The following FGD4 variants were observed in gnomAD, a reference collection of about 807,000 sequenced individuals.
FGD4 encodes FYVE, RhoGEF and PH domain containing 4.
In FGD4, 42 loss-of-function variants were observed where a neutral mutation model predicts 102.0. The ratio of observed to expected loss-of-function variants is 0.41; its 90% CI spans 0.32 to 0.53. FGD4 has a LOEUF of 0.53. Among genes scored for constraint, FGD4 ranks in the 20% least tolerant of loss-of-function variants. The pLI is 0.21. For synonymous variants in FGD4, 380 were observed against 375.7 expected, an observed-to-expected ratio of 1.01 and a Z score of -0.13; for missense variants, 902 against 1,078.2, an observed-to-expected ratio of 0.84 and a Z score of 2.29.
intron 10 of FGD4, among the ~76,000 whole-genome samples, chr12:32,612,142 G>A (rs1475656298): frequency 6.6e-6 from 1 of 152,218 alleles, no homozygotes; most frequent in Non-Finnish European, 1.5e-5. Flanking sequence ...GGTTGCTGAG[G>A]GTGGCTTGGT....
intron 1 of FGD4, among the ~76,000 whole-genome samples, chr12:32,515,214 C>T (rs1447803636): frequency 2.0e-5 from 3 of 152,216 alleles, no homozygotes; most frequent in Non-Finnish European, 2.9e-5. Flanking sequence ...TACCACCTTG[C>T]TCCAGCTCCA....
chr12:32,432,081 A>C (rs1942065980), intron 1 of FGD4, among the ~76,000 whole-genome samples: 1 of 118,102 alleles, frequency 8.5e-6, no homozygotes, highest in African/African-American at 3.2e-5. Context: ...TTTTTTTTAG[A>C]CAGAGTCTCG....
intron 1 of FGD4, among the ~76,000 whole-genome samples, chr12:32,538,687 G>T (rs560897662): frequency 1.3e-5 from 2 of 152,170 alleles, no homozygotes; most frequent in Non-Finnish European, 2.9e-5. Flanking sequence ...AGAAGCTTTG[G>T]GGTGTGAAAC....
At chr12:32,491,716 A>G (rs1419232741) in intron 1 of FGD4, among the ~76,000 whole-genome samples, 1 of 152,176 alleles carries the variant, frequency 6.6e-6, no homozygotes, top group Non-Finnish European at 1.5e-5. Context: ...ATTGTGGGCT[A>G]TAATGTTCCT....
At chr12:32,476,205 C>A (rs910838721) in intron 1 of FGD4, among the ~76,000 whole-genome samples, 2 of 152,176 alleles carry the variant, frequency 1.3e-5, no homozygotes, top group African/African-American at 4.8e-5. Context: ...TGTTGTCTAC[C>A]ACCTGGACCC....
At chr12:32,487,325 C>CT (rs1943937868) in intron 1 of FGD4, among the ~76,000 whole-genome samples, 1 of 152,148 alleles carries the variant, frequency 6.6e-6, no homozygotes, top group Non-Finnish European at 1.5e-5. Flanking sequence ...TTGGGCATAT[C>CT]TTTGTTTAAA....
chr12:32,571,255 G>A (rs574484408), intron 2 of FGD4, among the ~76,000 whole-genome samples: 1 of 152,246 alleles, frequency 6.6e-6, no homozygotes, highest in African/African-American at 2.4e-5. Flanking sequence ...GGGAGTTTGA[G>A]GCCAACCTGG....
intron 15 of FGD4, 36 bp from the exon 16 acceptor site, chr12:32,638,619 G>C: frequency 6.2e-7 from 1 of 1,612,680 alleles, no homozygotes; most frequent in Non-Finnish European, 8.5e-7. Context: ...CTGATTTGTT[G>C]TGTGTTCATT....
intron 10 of FGD4, among the ~76,000 whole-genome samples, chr12:32,614,556 G>A (rs1949338772): frequency 6.6e-6 from 1 of 152,200 alleles, no homozygotes; most frequent in Admixed American, 6.5e-5. Flanking sequence ...AAACACCCAG[G>A]AAAGCTTCTC....
In FGD4 at chr12:32,563,079, GC is replaced by G. The variant is rs1944784358; in HGVS notation, c.167-1056del. ...ACCTCCCTCCCGGACGGGGCGGCTG[GC>G]CGGGCGGGGGGCTGACCCCCCCCAC... is the stretch of plus-strand genomic sequence containing the variant. On this transcript the variant is annotated intron_variant, in intron 1 of 16. Transcript: ENST00000534526. Among the ~76,000 whole-genome samples the G allele has an allele frequency of 2.0e-5, 3 of 148,644 alleles. No individual in the cohort carries two copies. The South Asian group carries it at 6.5e-4, about 32-fold the overall frequency.
chr12:32,580,319 CT>C (rs147462922), intron 3 of FGD4, among the ~76,000 whole-genome samples: 3,586 of 152,156 alleles, frequency 0.024, 129 homozygotes, highest in African/African-American at 0.082. Context: ...GTTTGTGGTT[CT>C]TAGTAAGCAC....
intron 1 of FGD4, among the ~76,000 whole-genome samples, chr12:32,510,566 G>A (rs1592055059): frequency 6.6e-6 from 1 of 152,108 alleles, no homozygotes; most frequent in East Asian, 1.9e-4. Context: ...GCTCAAAAAA[G>A]ACATTATAAT....
At position 32,585,938 on chromosome 12, in the gene FGD4, G is replaced by C. The variant is rs1402140217; in HGVS notation, c.1011+3471G>C. On this transcript the variant is annotated intron_variant, in intron 4 of 16. Transcript: ENST00000534526. ...AGGCTGCTGAGAAGCAGTTGAAGTA[G>C]CCTTGAAGCAAGGATGGGAGATTGC... is the stretch of plus-strand genomic sequence containing the variant. Among the ~76,000 whole-genome samples, 3 of 151,880 alleles carry C rather than the reference G, an allele frequency of 2.0e-5. No individual in the cohort carries two copies. In the South Asian group the frequency reaches 6.2e-4, roughly 32 times the overall value.
At chr12:32,416,259 C>T (rs1432810856) in intron 1 of FGD4, among the ~76,000 whole-genome samples, 1 of 152,198 alleles carries the variant, frequency 6.6e-6, no homozygotes, top group African/African-American at 2.4e-5. Context: ...CTTGGCTTCC[C>T]AAAGTGCTGG....
chr12:32,415,702 G>T (rs1201795507), intron 1 of FGD4, among the ~76,000 whole-genome samples: 1 of 152,144 alleles, frequency 6.6e-6, no homozygotes, highest in Non-Finnish European at 1.5e-5. Context: ...CACCAGGCGT[G>T]AGCCACCGCG....
intron 1 of FGD4, among the ~76,000 whole-genome samples, chr12:32,555,285 A>G (rs777837264): frequency 2.6e-5 from 4 of 152,160 alleles, no homozygotes; most frequent in Non-Finnish European, 5.9e-5. Flanking sequence ...AGTTATTACT[A>G]TTGATTCAGA....
chr12:32,500,689 C>T (rs905503566), intron 1 of FGD4, among the ~76,000 whole-genome samples: 39 of 152,148 alleles, frequency 2.6e-4, no homozygotes, highest in Non-Finnish European at 4.7e-4. Context: ...GCCTCAGCCT[C>T]CCAAAGTGCT....
At chr12:32,469,451 T>G (rs538875633) in intron 1 of FGD4, among the ~76,000 whole-genome samples, 38 of 151,704 alleles carry the variant, frequency 2.5e-4, no homozygotes, top group African/African-American at 8.9e-4. Context: ...GATAATTTTT[T>G]TGTATTTTTA....
At chr12:32,629,652 A>G (rs1950383434) in intron 14 of FGD4, among the ~76,000 whole-genome samples, 1 of 151,894 alleles carries the variant, frequency 6.6e-6, no homozygotes, top group Admixed American at 6.6e-5. Flanking sequence ...TCTCTATAGC[A>G]TTTTATTCAT....
Sources: gnomAD v4.1 joint callset for allele counts (sites outside exome capture counted in the v4.1 genomes callset) on GRCh38, gnomAD v4.1.1 for gene constraint, MANE v1.5 for transcripts, NCBI Gene and HGNC (gene_info 2026-07-23, HGNC 2026-07-21) for gene names.